KAT2B: variants seen among roughly 807,000 people sequenced by gnomAD.
The protein encoded by KAT2B is lysine acetyltransferase 2B, also known as histone acetyltransferase KAT2B.
A neutral mutation model predicts 105.9 loss-of-function variants in KAT2B; 36 were observed. The ratio of observed to expected loss-of-function variants is 0.34; its 90% CI spans 0.26 to 0.45. The LOEUF (loss-of-function observed/expected upper bound fraction) is 0.45, where lower values mean the gene tolerates loss of function less well. KAT2B is among the 20% of genes least tolerant of loss of function. The probability of loss-of-function intolerance (pLI) is 1.00; values close to 1 mark genes in which losing one functional copy is unlikely to be tolerated. For synonymous variants in KAT2B, 397 were observed against 377.9 expected, an observed-to-expected ratio of 1.05 and a Z score of -0.59; for missense variants, 820 against 1,021.6, an observed-to-expected ratio of 0.80 and a Z score of 2.69.
chr3:20,081,002 G>A (rs1269681061), intron 2 of KAT2B, among the ~76,000 whole-genome samples: 2 of 151,904 alleles, frequency 1.3e-5, no homozygotes, highest in Admixed American at 6.6e-5. Context: ...CTTACTCTTA[G>A]GCTTCTCTTT....
intron 1 of KAT2B, among the ~76,000 whole-genome samples, chr3:20,042,251 A>G (rs1228571218): frequency 6.6e-6 from 1 of 152,248 alleles, no homozygotes; most frequent in Non-Finnish European, 1.5e-5. Flanking sequence ...AGCAGAAAAG[A>G]CAGAAACAAA....
intron 5 of KAT2B, among the ~76,000 whole-genome samples, chr3:20,108,418 G>A (rs1699060539): frequency 6.6e-6 from 1 of 152,162 alleles, no homozygotes; most frequent in Non-Finnish European, 1.5e-5. Flanking sequence ...ACCTTTCATT[G>A]CAGAAGATTG....
At chr3:20,151,238 G>A (rs2125201969) in intron 17 of KAT2B, among the ~76,000 whole-genome samples, 1 of 152,310 alleles carries the variant, frequency 6.6e-6, no homozygotes, top group South Asian at 2.1e-4. Context: ...ATAGGCAGAA[G>A]CAGCTTTTTT....
At chr3:20,055,570 G>C (rs1017811142) in intron 1 of KAT2B, among the ~76,000 whole-genome samples, 1 of 152,106 alleles carries the variant, frequency 6.6e-6, no homozygotes, top group Non-Finnish European at 1.5e-5. Context: ...AGACTCTGGG[G>C]CCAGAAGTGG....
In KAT2B at chr3:20,101,441, T is replaced by C; in HGVS notation, c.824T>C (p.Ile275Thr). 2.5e-6 allele frequency: 4 copies of C among 1,613,996 alleles called. No individual in the cohort carries two copies. The highest frequency in any genetic ancestry group is 3.4e-6 in the Non-Finnish European group (4 of 1,179,924). The change falls in exon 5 of 18, where the codon ATT becomes ACT. Residue 275 changes from isoleucine (I) to threonine (T), a missense_variant. Ile to Thr is a moderately conservative substitution (Grantham distance 89). Coordinates refer to ENST00000263754, the MANE Select transcript of KAT2B (RefSeq NM_003884.5). ...AGACTGCGATCTCCCAATGATGATA[T>C]TTCTGGATACAAAGAGAACTACACA... Reference protein sequence around the residue: ...QRRLRSPNDDISGYKENYTRW... With the variant: ...QRRLRSPNDDTSGYKENYTRW...
intron 2 of KAT2B, among the ~76,000 whole-genome samples, chr3:20,074,920 A>G (rs1196326381): frequency 3.3e-5 from 5 of 152,236 alleles, no homozygotes; most frequent in African/African-American, 1.2e-4. Context: ...GCTGACTCAG[A>G]AACAGCATTG....
intron 1 of KAT2B, among the ~76,000 whole-genome samples, chr3:20,059,285 C>T (rs868043795): frequency 2.0e-5 from 3 of 151,476 alleles, no homozygotes; most frequent in South Asian, 2.1e-4. Flanking sequence ...TGGTGGCATG[C>T]GTCTAGTAGT....
rs561793000 is a variant in KAT2B, at chr3:20,148,712, C to G, written c.2305+225C>G. The G allele has an allele frequency of 5.2e-4, 220 of 421,016 alleles. 2 individuals carry two copies. The highest frequency in any genetic ancestry group is 4.4e-3 in the African/African-American group (211 of 48,504). The allele number at this position is 421,016 out of a possible 1,614,324, so 26.1% of individuals were successfully genotyped here. A position where few individuals can be genotyped will look rare whatever the true frequency, so the allele number is the denominator to read the frequency against. ...TCGTTTAGAGCCCACATGAGCTTAA[C>G]GACACTAGACGCAGAAAATCCACGG... is the stretch of plus-strand genomic sequence containing the variant. On this transcript the variant is annotated intron_variant, in intron 17 of 17. Transcript: ENST00000263754.
intron 1 of KAT2B, 76 bp downstream of exon 1, chr3:20,040,856 T>G: frequency 1.4e-6 from 2 of 1,438,926 alleles, no homozygotes; most frequent in African/African-American, 1.5e-5. Flanking sequence ...CCCTCCCGCT[T>G]CCACCTCCGC....
chr3:20,050,080 G>A (rs9850217), intron 1 of KAT2B, among the ~76,000 whole-genome samples: 2,061 of 151,840 alleles, frequency 0.014, 44 homozygotes, highest in African/African-American at 0.047. Flanking sequence ...TGCACCTATA[G>A]TCCCAGCTAC....
At chr3:20,106,979 G>GTATATATATATATA (rs869172127) in intron 5 of KAT2B, among the ~76,000 whole-genome samples, 2 of 33,506 alleles carry the variant, frequency 6.0e-5, no homozygotes, top group East Asian at 7.8e-4. Flanking sequence ...ATATATATAT[G>GTATATATATATATA]TATATATATA....
At chr3:20,041,605 A>T (rs1276464431) in intron 1 of KAT2B, among the ~76,000 whole-genome samples, 3 of 152,030 alleles carry the variant, frequency 2.0e-5, no homozygotes, top group Non-Finnish European at 4.4e-5. Context: ...AGGTGGGAGG[A>T]TTGCCCGAGG....
At chr3:20,118,343 T>C (rs1699244529) in intron 7 of KAT2B, among the ~76,000 whole-genome samples, 1 of 147,896 alleles carries the variant, frequency 6.8e-6, no homozygotes, top group African/African-American at 2.5e-5. Flanking sequence ...TGTGTGTGTG[T>C]GTGTGTGTGT....
At chr3:20,125,150 G>A (rs1174567241) in intron 9 of KAT2B, among the ~76,000 whole-genome samples, 2 of 151,964 alleles carry the variant, frequency 1.3e-5, no homozygotes, top group Non-Finnish European at 2.9e-5. Context: ...GTGAAACCCC[G>A]TCTCTACTAA....
chr3:20,111,697 T>G lies in KAT2B; in HGVS notation c.953T>G (p.Val318Gly). 1 of 1,614,112 alleles carries G rather than the reference T, an allele frequency of 6.2e-7. No individual in the cohort carries two copies. The highest frequency in any genetic ancestry group is 1.1e-5 in the South Asian group (1 of 91,078). ...ACATTGCTTCGCTCGGTCTTCACTG[T>G]TATGAGGCGACAACTCCTGGAACAA... ...GRTLLRSVFT[V>G]MRRQLLEQAR... is the part of the protein sequence containing the mutation. Residue 318 changes from valine (V) to glycine (G), a missense_variant, in exon 6 of 18, where the codon GTT (valine) becomes GGT (glycine). Physicochemically the swap from Val to Gly is moderately radical, Grantham distance 109. Around this residue, in one of 6 missense-constraint regions of KAT2B, gnomAD observed 173 missense variants for 249.5 expected, o/e 0.69. Transcript: ENST00000263754.
intron 11 of KAT2B, among the ~76,000 whole-genome samples, chr3:20,131,954 A>C (rs1255798333): frequency 2.0e-5 from 3 of 152,238 alleles, no homozygotes; most frequent in Admixed American, 2.0e-4. Context: ...TTGGAGAATC[A>C]TGCTGATAAA....
chr3:20,076,084 C>T (rs1689618044), intron 2 of KAT2B, among the ~76,000 whole-genome samples: 1 of 152,000 alleles, frequency 6.6e-6, no homozygotes, highest in South Asian at 2.1e-4. Flanking sequence ...TAAGTCACCT[C>T]ATTAGCATAA....
intron 9 of KAT2B, among the ~76,000 whole-genome samples, chr3:20,125,061 G>T (rs1338639157): frequency 1.3e-5 from 2 of 152,128 alleles, no homozygotes; most frequent in Non-Finnish European, 2.9e-5. Context: ...CGGTGGCTCA[G>T]CCTGTAATCC....
intron 5 of KAT2B, among the ~76,000 whole-genome samples, chr3:20,102,907 C>T (rs188469645): frequency 6.6e-6 from 1 of 152,280 alleles, no homozygotes; most frequent in East Asian, 1.9e-4. Flanking sequence ...AGGTTATTTT[C>T]TGTAACAGCA....
Sources: gnomAD v4.1 joint callset for allele counts (sites outside exome capture counted in the v4.1 genomes callset) on GRCh38, gnomAD v4.1.1 for gene constraint, gnomAD v4.1.1 regional missense constraint, MANE v1.5 for transcripts, NCBI Gene and HGNC (gene_info 2026-07-23, HGNC 2026-07-21) for gene names.